Variants in ZNF687 observed in about 807,000 individuals in gnomAD.
The protein encoded by ZNF687 is zinc finger protein 687.
ZNF687 carries 13 observed loss-of-function variants against 71.8 expected under a neutral mutation model. The ratio of observed to expected loss-of-function variants is 0.18; its 90% CI spans 0.12 to 0.29. ZNF687 has a LOEUF of 0.29. Ranked by LOEUF, ZNF687 falls within the 10% of genes least tolerant of loss-of-function variation. The probability of loss-of-function intolerance (pLI) is 1.00; values close to 1 mark genes in which losing one functional copy is unlikely to be tolerated. For missense variants in ZNF687, 1,412 were observed against 1,625.6 expected (o/e 0.87, Z 2.26); for synonymous variants, 673 against 641.6 (o/e 1.05, Z -0.74).
At chr1:151,289,007 A>T (rs1259570420) in intron 3 of ZNF687, 88 bp from the exon 4 acceptor site, 15 of 1,409,658 alleles carry the variant, frequency 1.1e-5, no homozygotes, top group Admixed American at 1.9e-5. Context: ...CTTGTAGTCT[A>T]CCCAGTCCCA....
intron 1 of ZNF687, chr1:151,285,225 C>T (rs769623433): frequency 1.3e-5 from 2 of 152,164 alleles, no homozygotes; most frequent in Non-Finnish European, 2.9e-5. Context: ...TCTGTGTGGA[C>T]CCCAGAAGAT....
In ZNF687 at chr1:151,290,007, G is replaced by A. The variant is rs753485471; in HGVS notation, c.2964G>A (p.Lys988=). The stretch of plus-strand genomic sequence containing the variant: ...CCCACATGAAGAAGGAGCATGGCAA[G>A]GTGAGTGGGCCCCAAGGGGAGTACC... ...YVAHMKKEHG[K]SVKKFPCRLC... is the part of the protein sequence containing the mutation. Residue 988 remains lysine, a splice_region_variant and synonymous_variant, in exon 6 of 9, where the codon AAG becomes AAA. Coordinates refer to ENST00000336715, the MANE Select transcript of ZNF687 (RefSeq NM_020832.3). 6.3e-7 allele frequency: 1 copy of A among 1,587,040 alleles called. No homozygotes were observed. The highest frequency in any genetic ancestry group is 8.6e-7 in the Non-Finnish European group (1 of 1,164,180).
In ZNF687 at chr1:151,289,281, G is replaced by C; in HGVS notation, c.2471+10G>C. 5 of 1,613,162 alleles carry C rather than the reference G, an allele frequency of 3.1e-6. No individual in the cohort carries two copies. The highest frequency in any genetic ancestry group is 4.2e-6 in the Non-Finnish European group (5 of 1,179,446). The stretch of plus-strand genomic sequence containing the variant: ...AAACTCAGCAGGCCAAGTGAGGCCC[G>C]GGGGAGGGCCGGGCTGGGCCAGGGA... On this transcript the variant is annotated intron_variant, in intron 4 of 8. Transcript: ENST00000336715.
Position 151,289,735 on chromosome 1 carries a change from C to A in ZNF687, c.2692C>A (p.Leu898Met). Residue 898 changes from leucine (L) to methionine (M), a missense_variant, in exon 6 of 9, where the codon CTG (leucine) becomes ATG (methionine). Physicochemically the swap from Leu to Met is conservative, Grantham distance 15. Coordinates refer to ENST00000336715, the MANE Select transcript of ZNF687 (RefSeq NM_020832.3). Reference protein sequence around the residue: ...ETAGKGAGGALLTPKTEPEEL... With the variant: ...ETAGKGAGGAMLTPKTEPEEL... ...TGCTGGGAAAGGGGCCGGGGGTGCCCTGCTGACCCCCAAGACTGAGCCTGA... is the reference window on the plus strand; with the variant it reads ...TGCTGGGAAAGGGGCCGGGGGTGCCATGCTGACCCCCAAGACTGAGCCTGA... 1 of 1,559,370 alleles carries A rather than the reference C, an allele frequency of 6.4e-7. No individual in the cohort carries two copies. Among genetic ancestry groups the A allele is most frequent in the East Asian group, 2.4e-5 (1 of 41,552 alleles).
intron 1 of ZNF687, among the ~76,000 whole-genome samples, chr1:151,284,647 C>T (rs1693866283): frequency 6.6e-6 from 1 of 151,954 alleles, no homozygotes; most frequent in African/African-American, 2.4e-5. Context: ...AGTGCTTATT[C>T]CTTTCCAGTT....
intron 2 of ZNF687, 47 bp downstream of exon 2, chr1:151,288,453 G>A (rs370386905): frequency 6.3e-7 from 1 of 1,582,614 alleles, no homozygotes; most frequent in African/African-American, 1.3e-5. Flanking sequence ...ATCTAGGAAG[G>A]CGTTGGGGGC....
At position 151,291,133 on chromosome 1, in the gene ZNF687, T is replaced by C. The variant is rs1176164242; in HGVS notation, c.3638T>C (p.Leu1213Pro). 6.2e-7 allele frequency: 1 copy of C among 1,613,152 alleles called. No homozygotes were observed. Among genetic ancestry groups the C allele is most frequent in the Non-Finnish European group, 8.5e-7 (1 of 1,179,996 alleles). Residue 1213 changes from leucine (L) to proline (P), a missense_variant, in exon 9 of 9, where the codon CTA becomes CCA. This residue lies in a region of ZNF687 where 284 missense variants were observed against 359.2 expected (regional missense o/e 0.79). Coordinates refer to ENST00000336715, the MANE Select transcript of ZNF687 (RefSeq NM_020832.3). ...KVCGKSCDSP[L>P]NLKTHFRTHG... ...TGTGGCAAGAGCTGCGACAGCCCTCTAAACCTCAAGACCCACTTCCGCACG... is the reference window on the plus strand; with the variant it reads ...TGTGGCAAGAGCTGCGACAGCCCTCCAAACCTCAAGACCCACTTCCGCACG...
In ZNF687 at chr1:151,287,822, C is replaced by T; in HGVS notation, c.1531C>T (p.Leu511Phe). The T allele has an allele frequency of 6.2e-7, 1 of 1,614,018 alleles. No individual in the cohort carries two copies. Among genetic ancestry groups the T allele is most frequent in the Non-Finnish European group, 8.5e-7 (1 of 1,180,024 alleles). The part of the protein sequence containing the change: ...FNKILNSKNL[L>F]PAYRPNLSPP... ...CAAGATCCTCAACAGCAAGAACCTG[C>T]TCCCTGCCTATAGGCCAAACCTGAG... The change falls in exon 2 of 9, where the codon CTC becomes TTC. Residue 511 changes from leucine to phenylalanine, a missense_variant. By Grantham distance (22) the Leu-to-Phe change is conservative. Around this residue, in one of 8 missense-constraint regions of ZNF687, gnomAD observed 133 missense variants for 155.1 expected, o/e 0.86. Coordinates refer to ENST00000336715, the MANE Select transcript of ZNF687 (RefSeq NM_020832.3). This position sits in a 1 kb window ranked among gnomAD's most constrained non-coding sequence, Gnocchi z 5.0.
rs746327840 is a variant in ZNF687 at position 151,289,960 on chromosome 1, C to G, written c.2917C>G (p.Pro973Ala). The G allele has an allele frequency of 2.5e-6, 4 of 1,572,794 alleles. No homozygotes were observed. In the Admixed American group the frequency reaches 7.4e-5, roughly 29 times the overall value. ...WTCGLCHSWF[P>A]ERDEYVAHMK... is the part of the protein sequence containing the mutation. ...CTGTGGCCTGTGTCACTCCTGGTTCCCTGAGCGTGATGAATACGTGGCCCA... is the reference window on the plus strand; with the variant it reads ...CTGTGGCCTGTGTCACTCCTGGTTCGCTGAGCGTGATGAATACGTGGCCCA... Residue 973 changes from proline to alanine, a missense_variant, in exon 6 of 9, where the codon CCT (proline) becomes GCT (alanine). Around this residue, in one of 8 missense-constraint regions of ZNF687, gnomAD observed 135 missense variants for 104.1 expected, o/e 1.30. Transcript: ENST00000336715.
Position 151,287,751 on chromosome 1 carries a change from G to A in ZNF687, c.1460G>A (p.Gly487Asp), listed in dbSNP as rs754710694. Residue 487 changes from glycine (G) to aspartate (D), a missense_variant, in exon 2 of 9, where the codon GGC becomes GAC. Around this residue, in one of 8 missense-constraint regions of ZNF687, gnomAD observed 133 missense variants for 155.1 expected, o/e 0.86. Transcript: ENST00000336715. This position sits in a 1 kb window ranked among gnomAD's most constrained non-coding sequence, Gnocchi z 5.0. ...KTATGPSTGGGTVISRTQSSL... is the reference protein window; with the variant it reads ...KTATGPSTGGDTVISRTQSSL... ...GCTACTGGGCCAAGTACAGGGGGCG[G>A]CACAGTGATATCACGGACCCAGTCC... 7.4e-5 allele frequency: 120 copies of A among 1,613,938 alleles called. 1 individual carries two copies. The South Asian group carries it at 1.2e-3, about 16-fold the overall frequency.
intron 1 of ZNF687, chr1:151,283,214 C>T (rs587607694): frequency 1.0e-6 from 1 of 985,462 alleles, no homozygotes; most frequent in Admixed American, 6.1e-5. Flanking sequence ...CAGCCCTCGG[C>T]AGATGGCAGG....
rs909235432 is a variant in ZNF687, at chr1:151,289,807, T to G, written c.2764T>G (p.Ser922Ala). Residue 922 changes from serine to alanine, a missense_variant, in exon 6 of 9, where the codon TCG becomes GCG. Ser to Ala is a moderately conservative substitution (Grantham distance 99). Coordinates refer to ENST00000336715, the MANE Select transcript of ZNF687 (RefSeq NM_020832.3). ...QGGAAPATEE[S>A]SSSSEEEEVP... Reference sequence around the variant, plus strand: ...AGGGGCAGCCCCTGCTACTGAGGAGTCGTCTTCATCTTCAGAAGAGGAGGA... The same window carrying G: ...AGGGGCAGCCCCTGCTACTGAGGAGGCGTCTTCATCTTCAGAAGAGGAGGA... The G allele has an allele frequency of 6.4e-7, 1 of 1,565,838 alleles. No homozygotes were observed.
chr1:151,290,635 A>T, intron 8 of ZNF687, 62 bp downstream of exon 8: 1 of 1,585,036 alleles, frequency 6.3e-7, no homozygotes. Flanking sequence ...GGCAGAGACC[A>T]TGGCCTCAGG....
At position 151,286,917 on chromosome 1, in the gene ZNF687, T is replaced by G. The variant is rs1693971773; in HGVS notation, c.626T>G (p.Met209Arg). The G allele has an allele frequency of 6.2e-7, 1 of 1,612,860 alleles. No homozygotes were observed. The highest frequency in any genetic ancestry group is 1.1e-5 in the South Asian group (1 of 90,920). ...FELAQENGPG[M>R]QPPVSSPPLG... ...CTGGCCCAGGAGAATGGCCCAGGCA[T>G]GCAGCCACCTGTTTCTTCCCCACCA... Residue 209 changes from methionine to arginine, a missense_variant, in exon 2 of 9, where the codon ATG (methionine) becomes AGG (arginine). Physicochemically the swap from Met to Arg is moderately conservative, Grantham distance 91. Around this residue, in one of 8 missense-constraint regions of ZNF687, gnomAD observed 490 missense variants for 489.9 expected, o/e 1.00. Transcript: ENST00000336715.
intron 1 of ZNF687, among the ~76,000 whole-genome samples, chr1:151,282,622 C>T (rs777913042): frequency 5.9e-5 from 9 of 152,206 alleles, no homozygotes; most frequent in Non-Finnish European, 1.2e-4. Context: ...CCAGGAGGGT[C>T]GAGAACCCCA....
Position 151,286,990 on chromosome 1 carries a change from C to T in ZNF687, c.699C>T (p.Val233=), listed in dbSNP as rs1693975128. The T allele has an allele frequency of 6.2e-7, 1 of 1,602,620 alleles. No homozygotes were observed. The highest frequency in any genetic ancestry group is 8.5e-7 in the Non-Finnish European group (1 of 1,172,996). Residue 233 remains valine (V), a synonymous_variant, in exon 2 of 9, where the codon GTC becomes GTT. Coordinates refer to ENST00000336715, the MANE Select transcript of ZNF687 (RefSeq NM_020832.3). ...QESCSPHHPQ[V]LAQQGSGSSP... is the part of the protein sequence containing the mutation. ...GCTGCAGCCCCCATCATCCCCAGGT[C>T]CTAGCCCAACAAGGCTCAGGCTCCA... is the stretch of plus-strand genomic sequence containing the variant.
chr1:151,284,763 A>C (rs1484469160), intron 1 of ZNF687, among the ~76,000 whole-genome samples: 1 of 138,376 alleles, frequency 7.2e-6, no homozygotes, highest in Non-Finnish European at 1.5e-5. Context: ...GAATAACCCT[A>C]TGATACATAG....
rs774221649 is a variant in ZNF687, at chr1:151,286,707, A to G, written c.416A>G (p.His139Arg). ...GAACCTTCCCTCCCAGGAACTCCCCACTCTCCTGCTCCTCCCAGTGGGGGC... is the reference window on the plus strand; with the variant it reads ...GAACCTTCCCTCCCAGGAACTCCCCGCTCTCCTGCTCCTCCCAGTGGGGGC... ...SPEPSLPGTP[H>R]SPAPPSGGTW... Residue 139 changes from histidine (H) to arginine (R), a missense_variant, in exon 2 of 9, where the codon CAC becomes CGC. By Grantham distance (29) the His-to-Arg change is conservative (BLOSUM62 0). Around this residue, in one of 8 missense-constraint regions of ZNF687, gnomAD observed 490 missense variants for 489.9 expected, o/e 1.00. Coordinates refer to ENST00000336715, the MANE Select transcript of ZNF687 (RefSeq NM_020832.3). 6.2e-7 allele frequency: 1 copy of G among 1,613,670 alleles called. No individual in the cohort carries two copies. The highest frequency in any genetic ancestry group is 1.3e-5 in the African/African-American group (1 of 74,778).
chr1:151,282,063 G>A (rs1693734213), upstream of ZNF687: 2 of 1,284,716 alleles, frequency 1.6e-6, no homozygotes, highest in South Asian at 1.2e-5. Flanking sequence ...GGACCCCGGC[G>A]CAGCCAATGG....
Sources: allele counts gnomAD v4.1 joint callset (sites outside exome capture counted in the v4.1 genomes callset), GRCh38; gene constraint gnomAD v4.1.1; regional missense constraint gnomAD v4.1.1; non-coding constraint Gnocchi (gnomAD v3.1); transcripts MANE v1.5; gene names NCBI Gene and HGNC (gene_info 2026-07-23, HGNC 2026-07-21).